The following DSCAM variants were observed in gnomAD, a reference collection of about 807,000 sequenced individuals.
The protein encoded by DSCAM is DS cell adhesion molecule.
Under a neutral mutation model 217.7 loss-of-function variants are expected in DSCAM, and 47 were observed. The observed-to-expected ratio is 0.22, with a 90% confidence interval of 0.17 to 0.28. The LOEUF (loss-of-function observed/expected upper bound fraction) is 0.28, where lower values mean the gene tolerates loss of function less well. Among genes scored for constraint, DSCAM ranks in the 10% least tolerant of loss-of-function variants. DSCAM has a pLI of 1.00. For synonymous variants in DSCAM, 1,056 were observed against 1,015.3 expected (o/e 1.04, Z -0.76); for missense variants, 2,080 against 2,618.3 (o/e 0.79, Z 4.49).
chr21:40,845,371 T>C (rs1026342599), intron 1 of DSCAM, among the ~76,000 whole-genome samples: 1 of 152,210 alleles, frequency 6.6e-6, no homozygotes, highest in African/African-American at 2.4e-5. Flanking sequence ...GGTATGCTGA[T>C]TCTTTAGGCA....
rs549296083 is a variant in DSCAM, at chr21:40,023,313, A to G, written c.5687-9927T>C. Among the ~76,000 whole-genome samples, 745 of 152,206 alleles carry G rather than the reference A, an allele frequency of 4.9e-3. 6 individuals carry two copies. The highest frequency in any genetic ancestry group is 0.017 in the African/African-American group (717 of 41,492). On this transcript the variant is annotated intron_variant, in intron 32 of 32. Coordinates refer to ENST00000400454, the MANE Select transcript of DSCAM (RefSeq NM_001389.5). ...TTCCAAGTCTTTGCTATTGTGAATA[A>G]TGCCGCAATAAACATACGTGTGCAT...
At chr21:40,654,827 T>A (rs1224217000) in intron 3 of DSCAM, among the ~76,000 whole-genome samples, 1 of 152,160 alleles carries the variant, frequency 6.6e-6, no homozygotes, top group African/African-American at 2.4e-5. Flanking sequence ...CTTAATCACA[T>A]CTGCAAAATC....
intron 6 of DSCAM, among the ~76,000 whole-genome samples, chr21:40,345,705 G>C (rs538815689): frequency 7.2e-5 from 11 of 152,196 alleles, no homozygotes; most frequent in African/African-American, 2.6e-4. Flanking sequence ...AATAATGGGA[G>C]TGTTTTTGTT....
chr21:40,278,007 A>G (rs1466550087), intron 10 of DSCAM, among the ~76,000 whole-genome samples: 1 of 152,204 alleles, frequency 6.6e-6, no homozygotes, highest in Non-Finnish European at 1.5e-5. Flanking sequence ...AAAAGTTGCT[A>G]TAACTATAAA....
At chr21:40,727,785 G>C (rs1480780696) in intron 1 of DSCAM, among the ~76,000 whole-genome samples, 1 of 152,114 alleles carries the variant, frequency 6.6e-6, no homozygotes, top group Non-Finnish European at 1.5e-5. Flanking sequence ...GAGCTTTTGA[G>C]GACCCCATTC....
At chr21:40,185,879 C>G (rs1361310007) in intron 14 of DSCAM, among the ~76,000 whole-genome samples, 2 of 152,196 alleles carry the variant, frequency 1.3e-5, no homozygotes, top group Admixed American at 6.5e-5. Context: ...AGGGCCCTGG[C>G]TCTGCAGCAT....
chr21:40,688,360 G>A (rs913061731), intron 3 of DSCAM, among the ~76,000 whole-genome samples: 5 of 152,176 alleles, frequency 3.3e-5, no homozygotes, highest in Non-Finnish European at 5.9e-5. Context: ...GCTTGTGAAG[G>A]GAAACCCAAA....
At chr21:40,140,375 A>C (rs1057160863) in intron 18 of DSCAM, among the ~76,000 whole-genome samples, 5 of 152,188 alleles carry the variant, frequency 3.3e-5, no homozygotes, top group African/African-American at 1.2e-4. Context: ...TGAATATTCA[A>C]GTTTTCAAAG....
chr21:40,312,394 C>T (rs1043317130), intron 8 of DSCAM, 35 bp from the exon 9 acceptor site: 21 of 1,601,882 alleles, frequency 1.3e-5, no homozygotes, highest in Non-Finnish European at 1.8e-5. Flanking sequence ...ACGAACTGTG[C>T]TTATTCTACA....
chr21:40,373,255 C>T (rs909690896), intron 3 of DSCAM, among the ~76,000 whole-genome samples: 2 of 152,184 alleles, frequency 1.3e-5, no homozygotes, highest in Admixed American at 1.3e-4. Flanking sequence ...CATGCATGAT[C>T]TCCAGAAAGA....
chr21:40,583,873 GA>G (rs1285169913), intron 3 of DSCAM, among the ~76,000 whole-genome samples: 3 of 139,676 alleles, frequency 2.1e-5, no homozygotes, highest in African/African-American at 7.9e-5. Flanking sequence ...GTTTTGCTGT[GA>G]AATGAAACCT....
chr21:40,498,600 A>G (rs577963790), intron 3 of DSCAM, among the ~76,000 whole-genome samples: 17 of 145,326 alleles, frequency 1.2e-4, no homozygotes, highest in Admixed American at 9.7e-4. Context: ...CAGTATGTGT[A>G]TATATATATA....
chr21:40,017,357 T>C lies in DSCAM; in HGVS notation c.5687-3971A>G, dbSNP rs778740964. ...TGATTCAAAACTCCATTTAGCTTTT[T>C]CAGGATATCTTTATTCTACTAAGTG... On this transcript the variant is annotated intron_variant, in intron 32 of 32. Transcript: ENST00000400454. 4.2e-4 allele frequency among the ~76,000 whole-genome samples: 64 copies of C among 152,292 alleles called. 1 individual carries two copies. The highest frequency in any genetic ancestry group is 2.5e-4 in the Non-Finnish European group (17 of 68,014).
chr21:40,132,891 C>T (rs1425149761), intron 19 of DSCAM, among the ~76,000 whole-genome samples: 1 of 152,140 alleles, frequency 6.6e-6, no homozygotes, highest in Non-Finnish European at 1.5e-5. Flanking sequence ...AGACATCAAA[C>T]CTGCCCATAC....
At chr21:40,605,120 A>G (rs1377164076) in intron 3 of DSCAM, among the ~76,000 whole-genome samples, 1 of 152,244 alleles carries the variant, frequency 6.6e-6, no homozygotes, top group African/African-American at 2.4e-5. Flanking sequence ...TCCTGGAGGA[A>G]AAACTCAAGA....
chr21:40,266,260 CACTA>C lies in DSCAM; in HGVS notation c.2356+9833_2356+9836del, dbSNP rs1406846921. 2.0e-5 allele frequency among the ~76,000 whole-genome samples: 3 copies of C among 152,110 alleles called. 1 individual carries two copies. The highest frequency in any genetic ancestry group is 4.1e-4 in the South Asian group (2 of 4,822). ...AACGTGTGAAAAAACTGCTCAACAT[CACTA>C]ACTATTAGGGAAATGCCAATTAAAA... On this transcript the variant is annotated intron_variant, in intron 11 of 32. Transcript: ENST00000400454.
intron 11 of DSCAM, among the ~76,000 whole-genome samples, chr21:40,273,345 T>TA (rs745446163): frequency 6.6e-6 from 1 of 152,206 alleles, no homozygotes; most frequent in Non-Finnish European, 1.5e-5. Context: ...TTAACTTATT[T>TA]AAATCCACCT....
At chr21:40,798,525 G>T (rs1376238848) in intron 1 of DSCAM, among the ~76,000 whole-genome samples, 1 of 151,964 alleles carries the variant, frequency 6.6e-6, no homozygotes, top group Non-Finnish European at 1.5e-5. Context: ...AAAAAGAAAT[G>T]AGCAAAGCAC....
At chr21:40,120,111 G>A (rs780745196) in intron 20 of DSCAM, among the ~76,000 whole-genome samples, 16 of 152,146 alleles carry the variant, frequency 1.1e-4, no homozygotes, top group Non-Finnish European at 1.9e-4. Context: ...GGGCTACAAT[G>A]TGGAGAACTT....
Sources: gnomAD v4.1 joint callset for allele counts (sites outside exome capture counted in the v4.1 genomes callset) on GRCh38, gnomAD v4.1.1 for gene constraint, MANE v1.5 for transcripts, NCBI Gene and HGNC (gene_info 2026-07-23, HGNC 2026-07-21) for gene names.